The following SV2B variants were observed in gnomAD, a reference collection of about 807,000 sequenced individuals.
SV2B encodes solute carrier family 22 member B2.
A neutral mutation model predicts 73.9 loss-of-function variants in SV2B; 41 were observed. That is an observed-to-expected ratio of 0.56 (90% CI 0.43 to 0.72). SV2B has a LOEUF of 0.72. Ranked by LOEUF, SV2B falls within the 30% of genes least tolerant of loss-of-function variation. SV2B has a pLI of 0.00. For missense variants in SV2B, 764 were observed against 857.8 expected (o/e 0.89, Z 1.37); for synonymous variants, 314 against 314.2 (o/e 1.00, Z 0.01).
rs527348137 is a variant in SV2B, at chr15:91,268,020, C to G, written c.1208+377C>G. Among the ~76,000 whole-genome samples the G allele has an allele frequency of 1.6e-4, 24 of 152,246 alleles. No individual in the cohort carries two copies. Among genetic ancestry groups the G allele is most frequent in the African/African-American group, 5.5e-4 (23 of 41,544 alleles). ...GTTTTGCCATCTTGGCCAGGATGGT[C>G]TTGAATTCCTGACCTCAAGTGATCT... On this transcript the variant is annotated intron_variant, in intron 8 of 12. Transcript: ENST00000394232. This position sits in a 1 kb window ranked among gnomAD's most constrained non-coding sequence, Gnocchi z 4.4.
At chr15:91,135,909 AAC>A (rs1279542336) in intron 1 of SV2B, among the ~76,000 whole-genome samples, 6 of 152,210 alleles carry the variant, frequency 3.9e-5, no homozygotes, top group Non-Finnish European at 7.3e-5. Flanking sequence ...TTCATTACAA[AAC>A]ACAGCTCCTA....
chr15:91,206,738 C>A (rs1257491549), intron 1 of SV2B, among the ~76,000 whole-genome samples: 4 of 152,046 alleles, frequency 2.6e-5, no homozygotes, highest in Admixed American at 2.6e-4. Flanking sequence ...TATAAATGTT[C>A]GACCTAGTAC....
rs539705482 is a variant in SV2B at position 91,147,010 on chromosome 15, C to T, written c.-392+46647C>T. Among the ~76,000 whole-genome samples, 74 of 152,302 alleles carry T rather than the reference C, an allele frequency of 4.9e-4. 3 individuals are homozygous for T. In the South Asian group the frequency reaches 0.014, roughly 29 times the overall value. ...ATATAACTCAATTCATGAGCCTACA[C>T]GTTGGCTGTAAGCATTTATCCCATT... On this transcript the variant is annotated intron_variant, in intron 1 of 12. Transcript: ENST00000394232.
At position 91,123,848 on chromosome 15, in the gene SV2B, T is replaced by C. The variant is rs2042404245; in HGVS notation, c.-392+23485T>C. 6.6e-6 allele frequency among the ~76,000 whole-genome samples: 1 copy of C among 152,142 alleles called. No homozygotes were observed. The highest frequency in any genetic ancestry group is 6.5e-5 in the Admixed American group (1 of 15,272). ...TGACAGTTTGGAAAAATCAGACAAG[T>C]GATCTCCAGGGGAGATGACCCTGGG... is the stretch of plus-strand genomic sequence containing the variant. On this transcript the variant is annotated intron_variant, in intron 1 of 12. Transcript: ENST00000394232. The surrounding 1 kb of genome is among the most constrained non-coding windows in gnomAD (Gnocchi z 4.7).
chr15:91,159,485 A>G (rs1440860621), intron 1 of SV2B, among the ~76,000 whole-genome samples: 1 of 152,222 alleles, frequency 6.6e-6, no homozygotes, highest in Non-Finnish European at 1.5e-5. Flanking sequence ...CCACTAGATA[A>G]CAGAAGAGAA....
intron 1 of SV2B, among the ~76,000 whole-genome samples, chr15:91,190,802 T>C (rs1225139895): frequency 6.6e-6 from 1 of 152,142 alleles, no homozygotes; most frequent in Non-Finnish European, 1.5e-5. Context: ...TAGTCTTCTT[T>C]ATGTTTTTTA....
rs545842843 is a variant in SV2B at position 91,268,419 on chromosome 15, C to A, written c.1209-22C>A. ...AGAATGAATCCTGTTGTTGTTGCAA[C>A]CTTCTGCCTTCTCCACTCCAGTTAC... On this transcript the variant is annotated intron_variant, in intron 8 of 12. Coordinates refer to ENST00000394232, the MANE Select transcript of SV2B (RefSeq NM_001323032.3). This position sits in a 1 kb window ranked among gnomAD's most constrained non-coding sequence, Gnocchi z 4.4. The A allele has an allele frequency of 7.5e-6, 12 of 1,599,394 alleles. No individual in the cohort carries two copies. Among genetic ancestry groups the A allele is most frequent in the South Asian group, 3.3e-5 (3 of 89,898 alleles).
chr15:91,206,499 A>G (rs1408058815), intron 1 of SV2B, among the ~76,000 whole-genome samples: 3 of 152,196 alleles, frequency 2.0e-5, no homozygotes, highest in East Asian at 3.8e-4. Context: ...ATTTCAGTTC[A>G]GTAAAAGTCA....
chr15:91,138,199 G>A (rs1002858557), intron 1 of SV2B, among the ~76,000 whole-genome samples: 5 of 152,158 alleles, frequency 3.3e-5, no homozygotes, highest in Non-Finnish European at 5.9e-5. Flanking sequence ...AATCTGAGGC[G>A]GAGCATGTCC....
At chr15:91,270,036 G>A (rs955696837) in intron 9 of SV2B, among the ~76,000 whole-genome samples, 4 of 152,162 alleles carry the variant, frequency 2.6e-5, no homozygotes, top group African/African-American at 9.7e-5. Context: ...AGGAGGTCTT[G>A]TGTTGACATT....
rs2045291887 is a variant in SV2B, at chr15:91,197,502, G to A, written c.-391-28371G>A. On this transcript the variant is annotated intron_variant, in intron 1 of 12. Transcript: ENST00000394232. This position sits in a 1 kb window ranked among gnomAD's most constrained non-coding sequence, Gnocchi z 4.9. ...GCCTCCCATAGTGCTGGGATTACAGGCGTGAGCCACCGCGCCCAGCCATCA... is the reference window on the plus strand; with the variant it reads ...GCCTCCCATAGTGCTGGGATTACAGACGTGAGCCACCGCGCCCAGCCATCA... Among the ~76,000 whole-genome samples, 1 of 151,458 alleles carries A rather than the reference G, an allele frequency of 6.6e-6. No individual in the cohort carries two copies. Among genetic ancestry groups the A allele is most frequent in the South Asian group, 2.1e-4 (1 of 4,798 alleles).
intron 1 of SV2B, among the ~76,000 whole-genome samples, chr15:91,182,936 G>A (rs8035908): frequency 0.041 from 6,291 of 152,234 alleles, 433 homozygotes; most frequent in African/African-American, 0.14. Flanking sequence ...TTTAAGATTT[G>A]CACTCCCTCT....
At chr15:91,170,531 G>A (rs1352619717) in intron 1 of SV2B, among the ~76,000 whole-genome samples, 1 of 152,100 alleles carries the variant, frequency 6.6e-6, no homozygotes, top group East Asian at 1.9e-4. Context: ...CAGGTGATCT[G>A]CCGCCTCAGC....
At chr15:91,163,374 C>T (rs572865461) in intron 1 of SV2B, among the ~76,000 whole-genome samples, 1 of 152,252 alleles carries the variant, frequency 6.6e-6, no homozygotes, top group Non-Finnish European at 1.5e-5. Flanking sequence ...GTTTACAGTC[C>T]CACCAACAGT....
chr15:91,187,565 A>G (rs2044822650), intron 1 of SV2B, among the ~76,000 whole-genome samples: 2 of 152,206 alleles, frequency 1.3e-5, no homozygotes, highest in Admixed American at 6.5e-5. Flanking sequence ...CAGCACAGTA[A>G]AGCTTCTTGT....
At chr15:91,174,186 G>C (rs968695763) in intron 1 of SV2B, among the ~76,000 whole-genome samples, 3 of 152,182 alleles carry the variant, frequency 2.0e-5, no homozygotes, top group Non-Finnish European at 4.4e-5. Flanking sequence ...GACTGATGAC[G>C]TGCAATAGAA....
intron 2 of SV2B, among the ~76,000 whole-genome samples, chr15:91,233,227 A>T (rs1270558208): frequency 6.6e-6 from 1 of 152,222 alleles, no homozygotes; most frequent in Non-Finnish European, 1.5e-5. Context: ...AAATATCACT[A>T]GATACATCTA....
intron 1 of SV2B, among the ~76,000 whole-genome samples, chr15:91,152,987 G>T (rs2141223045): frequency 6.6e-6 from 1 of 152,272 alleles, no homozygotes; most frequent in African/African-American, 2.4e-5. Flanking sequence ...TGTCTGGAGG[G>T]GGAATCTCTG....
intron 9 of SV2B, among the ~76,000 whole-genome samples, chr15:91,276,796 ATTG>A (rs151067863): frequency 0.026 from 3,695 of 143,350 alleles, 103 homozygotes; most frequent in African/African-American, 0.069. Context: ...TATTTATATT[ATTG>A]TTGTTGTTAT....
Sources: gnomAD v4.1 joint callset for allele counts (sites outside exome capture counted in the v4.1 genomes callset) on GRCh38, gnomAD v4.1.1 for gene constraint, Gnocchi (gnomAD v3.1) non-coding constraint, MANE v1.5 for transcripts, NCBI Gene and HGNC (gene_info 2026-07-23, HGNC 2026-07-21) for gene names.